EPHB2: variants seen among roughly 807,000 people sequenced by gnomAD.
EPHB2 encodes the protein ephrin type-B receptor 2.
Under a neutral mutation model 96.4 loss-of-function variants are expected in EPHB2, and 18 were observed. The observed-to-expected ratio is 0.19, with a 90% confidence interval of 0.13 to 0.28. The LOEUF is 0.28. Ranked by LOEUF, EPHB2 falls within the 10% of genes least tolerant of loss-of-function variation. The probability of loss-of-function intolerance (pLI) is 1.00; values close to 1 mark genes in which losing one functional copy is unlikely to be tolerated. For synonymous variants in EPHB2, 506 were observed against 534.1 expected, an observed-to-expected ratio of 0.95 and a Z score of 0.72; for missense variants, 989 against 1,355.4, an observed-to-expected ratio of 0.73 and a Z score of 4.25.
At chr1:22,866,983 G>A (rs1218324364) in intron 5 of EPHB2, among the ~76,000 whole-genome samples, 1 of 152,154 alleles carries the variant, frequency 6.6e-6, no homozygotes, top group Non-Finnish European at 1.5e-5. Context: ...CTGGTTGAGG[G>A]GTGTTTCCAT....
chr1:22,910,590 T>G lies in EPHB2; in HGVS notation c.2696+15T>G, dbSNP rs9659857. ...CTCTCCTCTGGGTAAGGCCCCACCC[T>G]GGCCCTGCCCCAGCCAGGCCCTGCC... On this transcript the variant is annotated intron_variant, in intron 14 of 15. Transcript: ENST00000374630. The G allele has an allele frequency of 3.1e-6, 5 of 1,613,598 alleles. No individual in the cohort carries two copies. The highest frequency in any genetic ancestry group is 4.2e-6 in the Non-Finnish European group (5 of 1,179,810).
At chr1:22,838,561 C>T (rs1225760464) in intron 3 of EPHB2, among the ~76,000 whole-genome samples, 3 of 152,158 alleles carry the variant, frequency 2.0e-5, no homozygotes, top group African/African-American at 7.2e-5. Flanking sequence ...TTACTCAAGA[C>T]CTTCCATGCA....
chr1:22,912,162 A>C (rs1640123025), intron 14 of EPHB2, among the ~76,000 whole-genome samples: 1 of 152,110 alleles, frequency 6.6e-6, no homozygotes, highest in African/African-American at 2.4e-5. Flanking sequence ...CCTCTTGGCC[A>C]TCCCTGCAGT....
At chr1:22,753,366 G>T (rs1449588024) in intron 1 of EPHB2, among the ~76,000 whole-genome samples, 1 of 152,210 alleles carries the variant, frequency 6.6e-6, no homozygotes, top group Non-Finnish European at 1.5e-5. Context: ...CCTGGCCCGT[G>T]CTGGACACTT....
chr1:22,883,068 C>T (rs533623672), intron 6 of EPHB2, among the ~76,000 whole-genome samples: 3 of 152,322 alleles, frequency 2.0e-5, no homozygotes, highest in South Asian at 4.1e-4. Flanking sequence ...AGTGAGAAGC[C>T]GTAGGTTCAA....
intron 11 of EPHB2, 117 bp downstream of exon 11, chr1:22,907,074 G>T: frequency 7.3e-7 from 1 of 1,371,978 alleles, no homozygotes; most frequent in Non-Finnish European, 9.7e-7. Context: ...GTCAGGAATG[G>T]CTTGCAGGCT....
intron 1 of EPHB2, among the ~76,000 whole-genome samples, chr1:22,745,477 T>A (rs531982178): frequency 1.3e-5 from 2 of 152,318 alleles, no homozygotes; most frequent in South Asian, 2.1e-4. Context: ...CACGAGGAAC[T>A]TTTTGAGTGG....
intron 9 of EPHB2, among the ~76,000 whole-genome samples, chr1:22,900,673 G>A (rs2675494): frequency 0.53 from 80,299 of 151,924 alleles, 21,937 homozygotes; most frequent in African/African-American, 0.66. Flanking sequence ...GAAACAGGTG[G>A]GGTCTATTTT....
intron 1 of EPHB2, among the ~76,000 whole-genome samples, chr1:22,756,576 G>A (rs906675890): frequency 8.5e-5 from 13 of 152,066 alleles, no homozygotes; most frequent in Admixed American, 7.2e-4. Context: ...TGAGGTGTGG[G>A]GGAAGTGGCG....
chr1:22,833,227 C>T (rs913959118), intron 3 of EPHB2, among the ~76,000 whole-genome samples: 2 of 152,208 alleles, frequency 1.3e-5, no homozygotes, highest in East Asian at 1.9e-4. Flanking sequence ...CAGCGATTCT[C>T]CTGCCTTCAG....
At chr1:22,884,243 C>T (rs865821855) in intron 6 of EPHB2, among the ~76,000 whole-genome samples, 12 of 152,326 alleles carry the variant, frequency 7.9e-5, no homozygotes, top group East Asian at 1.9e-4. Flanking sequence ...CGGTGGCTCA[C>T]GCCTGTAATC....
Position 22,741,679 on chromosome 1 carries a change from C to CA in EPHB2, c.61+30645dup, listed in dbSNP as rs747438721. ...CTTGACAGCCTGGTTTTCTTCCCAG[C>CA]AAAAAAAAACAAAAAAACAAAAAAC... is the stretch of plus-strand genomic sequence containing the variant. On this transcript the variant is annotated intron_variant, in intron 1 of 15. Coordinates refer to ENST00000374630, the MANE Select transcript of EPHB2 (RefSeq NM_017449.5). Among the ~76,000 whole-genome samples the CA allele has an allele frequency of 5.4e-4, 40 of 73,900 alleles. 2 individuals carry two copies. The South Asian group carries it at 7.4e-3, about 14-fold the overall frequency. 48.5% of individuals were successfully genotyped at this position (73,900 alleles called of 152,430 possible).
At chr1:22,823,563 C>T (rs1040405843) in intron 3 of EPHB2, among the ~76,000 whole-genome samples, 2 of 143,438 alleles carry the variant, frequency 1.4e-5, no homozygotes, top group Non-Finnish European at 3.1e-5. Context: ...GACTGTGATG[C>T]TCATACAGTT....
intron 1 of EPHB2, among the ~76,000 whole-genome samples, chr1:22,778,816 C>T (rs1304758996): frequency 2.0e-5 from 3 of 152,206 alleles, no homozygotes; most frequent in Non-Finnish European, 2.9e-5. Context: ...AGTATGAGCA[C>T]CAACTTTTAG....
Position 22,913,756 on chromosome 1 carries a change from A to G in EPHB2, c.*186A>G, listed in dbSNP as rs762423769. On this transcript the variant is annotated 3_prime_UTR_variant, in exon 16 of 16. Coordinates refer to ENST00000374630, the MANE Select transcript of EPHB2 (RefSeq NM_017449.5). This position sits in a 1 kb window ranked among gnomAD's most constrained non-coding sequence, Gnocchi z 4.1. ...AAACATGCAACTCAAACGACGGAAA[A>G]AAAAAGGGAATGGGAAAAAAGAAAA... The G allele has an allele frequency of 2.5e-6, 4 of 1,606,238 alleles. No homozygotes were observed. The highest frequency in any genetic ancestry group is 2.7e-5 in the African/African-American group (2 of 74,796).
intron 6 of EPHB2, among the ~76,000 whole-genome samples, chr1:22,884,845 C>T (rs753651701): frequency 1.4e-4 from 21 of 152,160 alleles, no homozygotes; most frequent in Admixed American, 5.2e-4. Flanking sequence ...CTCCTTGTGT[C>T]TTGCCCTTCT....
intron 1 of EPHB2, among the ~76,000 whole-genome samples, chr1:22,767,073 C>A (rs1202267260): frequency 6.6e-6 from 1 of 152,224 alleles, no homozygotes; most frequent in Non-Finnish European, 1.5e-5. Flanking sequence ...TCTGACATAG[C>A]CTCTCCTTGT....
intron 3 of EPHB2, among the ~76,000 whole-genome samples, chr1:22,824,379 CAG>C (rs1185495237): frequency 6.6e-6 from 1 of 152,216 alleles, no homozygotes; most frequent in African/African-American, 2.4e-5. Context: ...AAGGCAGAGA[CAG>C]AGAGTTTCCT....
At chr1:22,721,737 T>C (rs1643470906) in intron 1 of EPHB2, among the ~76,000 whole-genome samples, 1 of 151,192 alleles carries the variant, frequency 6.6e-6, no homozygotes, top group African/African-American at 2.4e-5. Flanking sequence ...CACCTCAGCC[T>C]CCCAAGTAGC....
Sources: allele counts gnomAD v4.1 joint callset (sites outside exome capture counted in the v4.1 genomes callset), GRCh38; gene constraint gnomAD v4.1.1; non-coding constraint Gnocchi (gnomAD v3.1); transcripts MANE v1.5; gene names NCBI Gene and HGNC (gene_info 2026-07-23, HGNC 2026-07-21).